Variants in MGAT4C observed in about 807,000 individuals in gnomAD.
MGAT4C encodes alpha-1,3-mannosyl-glycoprotein 4-beta-N-acetylglucosaminyltransferase C.
MGAT4C carries 19 observed loss-of-function variants against 40.1 expected under a neutral mutation model. The observed-to-expected ratio is 0.47, with a 90% CI of 0.33 to 0.70. The LOEUF (loss-of-function observed/expected upper bound fraction) is 0.70, where lower values mean the gene tolerates loss of function less well. Among genes scored for constraint, MGAT4C ranks in the 30% least tolerant of loss-of-function variants. The pLI is 0.02. For missense variants in MGAT4C, 491 were observed against 563.2 expected (o/e 0.87, Z 1.30); for synonymous variants, 181 against 187.1 (o/e 0.97, Z 0.27).
At chr12:86,466,105 A>G (rs1957677640) in intron 2 of MGAT4C, among the ~76,000 whole-genome samples, 1 of 152,102 alleles carries the variant, frequency 6.6e-6, no homozygotes, top group Non-Finnish European at 1.5e-5. Context: ...GCTACTCGGG[A>G]AGCTGAGGCA....
At chr12:86,047,646 A>G (rs2136957991) in intron 2 of MGAT4C, among the ~76,000 whole-genome samples, 1 of 152,274 alleles carries the variant, frequency 6.6e-6, no homozygotes, top group African/African-American at 2.4e-5. Context: ...AAAATAAGAA[A>G]CAAACCTCAT....
At chr12:86,526,124 G>C (rs1030633441) in intron 2 of MGAT4C, among the ~76,000 whole-genome samples, 1 of 152,152 alleles carries the variant, frequency 6.6e-6, no homozygotes, top group Non-Finnish European at 1.5e-5. Context: ...GCACAGGGAC[G>C]GTGCTGTTGG....
chr12:86,793,453 CTT>C (rs1223902315), intron 1 of MGAT4C, among the ~76,000 whole-genome samples: 3 of 151,878 alleles, frequency 2.0e-5, no homozygotes, highest in Non-Finnish European at 4.4e-5. Flanking sequence ...TTAATTTTCA[CTT>C]TGTTTATATT....
chr12:86,031,714 C>A (rs1488461541), intron 2 of MGAT4C, among the ~76,000 whole-genome samples: 1 of 151,752 alleles, frequency 6.6e-6, no homozygotes, highest in East Asian at 1.9e-4. Flanking sequence ...CTCTTGAAAT[C>A]TTTGCAATTG....
At chr12:86,593,972 C>T (rs1259100000) in intron 2 of MGAT4C, among the ~76,000 whole-genome samples, 4 of 152,108 alleles carry the variant, frequency 2.6e-5, no homozygotes, top group South Asian at 2.1e-4. Context: ...TGATAGATAA[C>T]GAAGGCAGCA....
chr12:86,119,652 ACCAGCCTCGGCCTCC>A (rs1386576413), intron 1 of MGAT4C, among the ~76,000 whole-genome samples: 1 of 148,340 alleles, frequency 6.7e-6, no homozygotes, highest in Non-Finnish European at 1.5e-5. Context: ...CAGGTGATCC[ACCAGCCTCGGCCTCC>A]CAAAGTGCTG....
chr12:86,511,185 T>A (rs930276729), intron 2 of MGAT4C, among the ~76,000 whole-genome samples: 4 of 151,768 alleles, frequency 2.6e-5, no homozygotes, highest in Non-Finnish European at 5.9e-5. Flanking sequence ...GGATTAAGAA[T>A]CTCACTCAAA....
At chr12:86,012,908 C>T (rs1888648203) in intron 2 of MGAT4C, among the ~76,000 whole-genome samples, 1 of 151,388 alleles carries the variant, frequency 6.6e-6, no homozygotes, top group East Asian at 2.0e-4. Context: ...AGGATTGCTT[C>T]AGGACAGGTG....
intron 2 of MGAT4C, among the ~76,000 whole-genome samples, chr12:86,624,367 G>T (rs985707898): frequency 2.0e-5 from 3 of 152,128 alleles, no homozygotes; most frequent in Admixed American, 6.5e-5. Flanking sequence ...TTCACAAGCA[G>T]GAAGTAATGG....
At chr12:86,756,618 T>A (rs1193652300) in intron 1 of MGAT4C, among the ~76,000 whole-genome samples, 3 of 152,158 alleles carry the variant, frequency 2.0e-5, no homozygotes, top group Admixed American at 1.3e-4. Context: ...GGAAATAAAC[T>A]AAAACTAAAA....
At chr12:86,174,251 T>G (rs1753679403) in intron 1 of MGAT4C, among the ~76,000 whole-genome samples, 1 of 152,072 alleles carries the variant, frequency 6.6e-6, no homozygotes, top group Non-Finnish European at 1.5e-5. Flanking sequence ...AGTCTGTATG[T>G]ACTTCCCTAG....
At chr12:86,515,738 C>CTTT (rs940550644) in intron 2 of MGAT4C, among the ~76,000 whole-genome samples, 8 of 133,460 alleles carry the variant, frequency 6.0e-5, no homozygotes, top group South Asian at 2.4e-4. Context: ...TAAAGCAATT[C>CTTT]TTTTTTTTTT....
At chr12:86,309,644 A>C in intron 4 of MGAT4C, among the ~76,000 whole-genome samples, 1 of 152,360 alleles carries the variant, frequency 6.6e-6, no homozygotes, top group South Asian at 2.1e-4. Flanking sequence ...GTGTCCAAAC[A>C]TGAATTTTGG....
intron 4 of MGAT4C, among the ~76,000 whole-genome samples, chr12:86,307,541 G>C (rs1953965936): frequency 6.7e-6 from 1 of 150,328 alleles, no homozygotes; most frequent in South Asian, 2.1e-4. Flanking sequence ...TGCTGTCTAT[G>C]CTCGGGCAAC....
intron 2 of MGAT4C, among the ~76,000 whole-genome samples, chr12:86,629,807 A>G (rs1962967384): frequency 6.6e-6 from 1 of 152,200 alleles, no homozygotes; most frequent in Admixed American, 6.5e-5. Context: ...AGCAAGAAAG[A>G]TCTAAAATCG....
intron 2 of MGAT4C, among the ~76,000 whole-genome samples, chr12:86,672,709 G>T (rs560644963): frequency 9.9e-5 from 15 of 152,058 alleles, no homozygotes; most frequent in Admixed American, 3.3e-4. Context: ...CTAAACATTG[G>T]GTACTCGAGG....
chr12:86,830,803 T>C (rs571908233), intron 1 of MGAT4C, among the ~76,000 whole-genome samples: 2 of 151,990 alleles, frequency 1.3e-5, no homozygotes, highest in East Asian at 1.9e-4. Flanking sequence ...CTCTGCTTTC[T>C]AGTTACCCTC....
At chr12:86,676,111 C>T (rs1326554799) in intron 2 of MGAT4C, among the ~76,000 whole-genome samples, 1 of 152,060 alleles carries the variant, frequency 6.6e-6, no homozygotes, top group Non-Finnish European at 1.5e-5. Context: ...GCAACCAAAC[C>T]AACCTGTGGG....
At chr12:86,410,539 C>T (rs1387589017) in intron 3 of MGAT4C, among the ~76,000 whole-genome samples, 13 of 152,096 alleles carry the variant, frequency 8.5e-5, no homozygotes, top group African/African-American at 2.7e-4. Flanking sequence ...TCCCTAAAAT[C>T]GCTGTTATTC....
Sources: gnomAD v4.1 joint callset for allele counts (sites outside exome capture counted in the v4.1 genomes callset) on GRCh38, gnomAD v4.1.1 for gene constraint, MANE v1.5 for transcripts, NCBI Gene and HGNC (gene_info 2026-07-23, HGNC 2026-07-21) for gene names.